Variants in MAP4K2 observed in about 807,000 individuals in gnomAD.
MAP4K2 encodes the protein B lymphocyte serine/threonine protein kinase.
In MAP4K2, 85 loss-of-function variants were observed where a neutral mutation model predicts 125.3. The observed-to-expected ratio is 0.68, with a 90% CI of 0.57 to 0.81. The LOEUF (loss-of-function observed/expected upper bound fraction) is 0.81. MAP4K2 is among the 40% of genes least tolerant of loss of function. The pLI, the probability that MAP4K2 is intolerant of heterozygous loss-of-function variation, is 0.00. For synonymous variants in MAP4K2, 479 were observed against 445.1 expected (o/e 1.08, Z -0.96); for missense variants, 923 against 1,056.4 (o/e 0.87, Z 1.75).
At chr11:64,791,710 T>TGAAC (rs1340788308) in intron 27 of MAP4K2, among the ~76,000 whole-genome samples, 199 bp downstream of exon 27, 3 of 152,200 alleles carry the variant, frequency 2.0e-5, no homozygotes, top group Non-Finnish European at 2.9e-5. Context: ...TTCCGTCTAA[T>TGAAC]GAACCCTTTT....
intron 24 of MAP4K2, among the ~76,000 whole-genome samples, chr11:64,793,096 A>G (rs1940598093): frequency 6.6e-6 from 1 of 152,114 alleles, no homozygotes; most frequent in African/African-American, 2.4e-5. Context: ...CGTGCCTGTA[A>G]TCCCAGCTAC....
At position 64,797,178 on chromosome 11, in the gene MAP4K2, G is replaced by T. The variant is rs773602212; in HGVS notation, c.1291C>A (p.Pro431Thr). Residue 431 changes from proline to threonine, a missense_variant, in exon 19 of 32, where the codon CCT becomes ACT. Physicochemically the swap from Pro to Thr is conservative, Grantham distance 38 (BLOSUM62 -1). Around this residue, in one of 2 missense-constraint regions of MAP4K2, gnomAD observed 833 missense variants for 911.4 expected, o/e 0.91. Transcript: ENST00000294066. The stretch of plus-strand genomic sequence containing the variant: ...GGGGAGCTGTTGGGGCCTGAAGGAG[G>T]TGGGGGCAGGGTTCCTGCAGGCACA... ...LSSPPGTLPP[P>T]PSGPNSSPLL... The T allele has an allele frequency of 8.1e-6, 13 of 1,613,662 alleles. No individual in the cohort carries two copies. The African/African-American group carries it at 1.3e-4, about 17-fold the overall frequency.
intron 15 of MAP4K2, among the ~76,000 whole-genome samples, chr11:64,798,355 G>T (rs564348991): frequency 1.1e-3 from 173 of 151,802 alleles, no homozygotes; most frequent in African/African-American, 4.0e-3. Context: ...TACTAGAGAC[G>T]GGCTTTCACC....
In MAP4K2 at chr11:64,800,926, G is replaced by C; in HGVS notation, c.636C>G (p.Pro212=). ...TCATGGGGTGCAGGTGGAACAGAGG[G>C]GGCTGCAGCTCGCCCAGCTCAATGG... The part of the protein sequence containing the change: ...ITAIELGELQ[P]PLFHLHPMRA... The change falls in exon 9 of 32, where the codon CCC becomes CCG. Residue 212 remains proline (P), a synonymous_variant. Coordinates refer to ENST00000294066, the MANE Select transcript of MAP4K2 (RefSeq NM_004579.5). 1.2e-6 allele frequency: 2 copies of C among 1,614,022 alleles called. No individual in the cohort carries two copies. The highest frequency in any genetic ancestry group is 1.7e-6 in the Non-Finnish European group (2 of 1,179,998).
At position 64,796,817 on chromosome 11, in the gene MAP4K2, A is replaced by ACAGGGTGAATCCAGGTGACAG; in HGVS notation, c.1463_1483dup (p.Ala488_Pro494dup). The ACAGGGTGAATCCAGGTGACAG allele has an allele frequency of 6.2e-7, 1 of 1,613,738 alleles. No homozygotes were observed. The highest frequency in any genetic ancestry group is 2.2e-5 in the East Asian group (1 of 44,874). ...TCCCTGCCCCCACCTACCCCGAGTA[A>ACAGGGTGAATCCAGGTGACAG]CAGGGTGAATCCAGGTGACAGCAGC... On this transcript the variant is annotated inframe_insertion, in exon 21 of 32. Coordinates refer to ENST00000294066, the MANE Select transcript of MAP4K2 (RefSeq NM_004579.5).
rs1940340593 is a variant in MAP4K2, at chr11:64,789,473, C to T, written c.*64G>A. ...CTCTGGTCTAGGATGGGCCCCTTTG[C>T]CCAAAAGGGCCTGCAGCTAAGGCGT... On this transcript the variant is annotated 3_prime_UTR_variant, in exon 32 of 32. Coordinates refer to ENST00000294066, the MANE Select transcript of MAP4K2 (RefSeq NM_004579.5). The T allele has an allele frequency of 1.4e-6, 2 of 1,461,114 alleles. No individual in the cohort carries two copies. The highest frequency in any genetic ancestry group is 1.4e-5 in the African/African-American group (1 of 71,298). 90.5% of individuals were successfully genotyped at this position (1,461,114 alleles called of 1,614,324 possible).
Position 64,803,182 on chromosome 11 carries a change from G to T in MAP4K2, c.-33C>A, listed in dbSNP as rs1202476156. The T allele has an allele frequency of 4.8e-6, 5 of 1,039,968 alleles. No individual in the cohort carries two copies. Among genetic ancestry groups the T allele is most frequent in the Middle Eastern group, 4.2e-4 (1 of 2,374 alleles). 64.4% of individuals were successfully genotyped at this position (1,039,968 alleles called of 1,614,324 possible). On this transcript the variant is annotated 5_prime_UTR_variant, in exon 1 of 32. Transcript: ENST00000294066. ...CGCCGGGCGGGCCGGCAGGCGGGCG[G>T]GCGCGAGCTGCGGAGCCGGCGCGGG...
Position 64,800,960 on chromosome 11 carries a change from C to A in MAP4K2, c.602G>T (p.Gly201Val). The A allele has an allele frequency of 6.2e-6, 10 of 1,613,978 alleles. No individual in the cohort carries two copies. Among genetic ancestry groups the A allele is most frequent in the Non-Finnish European group, 8.5e-6 (10 of 1,179,998 alleles). ...CTCGCCCAGCTCAATGGCAGTGATG[C>A]CCAGGGCCCAGACGTCACATAGCTC... ...YNELCDVWAL[G>V]ITAIELGELQ... The change falls in exon 9 of 32, where the codon GGC becomes GTC. Residue 201 changes from glycine (G) to valine (V), a missense_variant. This residue lies in a region of MAP4K2 where 833 missense variants were observed against 911.4 expected (regional missense o/e 0.91). Coordinates refer to ENST00000294066, the MANE Select transcript of MAP4K2 (RefSeq NM_004579.5).
At chr11:64,800,060 T>C (rs1051523196) in intron 12 of MAP4K2, 49 bp downstream of exon 12, 5 of 1,471,842 alleles carry the variant, frequency 3.4e-6, no homozygotes, top group Admixed American at 3.9e-5. Flanking sequence ...CCTCGGGCTC[T>C]TTCTAAGCAG....
In MAP4K2 at chr11:64,801,588, C is replaced by T. The variant is rs1387327224; in HGVS notation, c.448G>A (p.Val150Ile). The change falls in exon 7 of 32, where the codon GTC becomes ATC. Residue 150 changes from valine (V) to isoleucine (I), a missense_variant. Physicochemically the swap from Val to Ile is conservative, Grantham distance 29. This residue lies in a region of MAP4K2 where 833 missense variants were observed against 911.4 expected (regional missense o/e 0.91). Coordinates refer to ENST00000294066, the MANE Select transcript of MAP4K2 (RefSeq NM_004579.5). ...ANLLLTLQGD[V>I]KLADFGVSGE... ...TCCCCAGGGTACTGACCCAGTTTGA[C>T]ATCTCCCTGGAGAGTGAGGAGAAGG... 2.5e-6 allele frequency: 4 copies of T among 1,614,018 alleles called. No homozygotes were observed. Among genetic ancestry groups the T allele is most frequent in the Non-Finnish European group, 3.4e-6 (4 of 1,179,950 alleles).
rs756969619 is a variant in MAP4K2 at position 64,800,099 on chromosome 11, C to G, written c.915+10G>C. ...AGCCCAAGACTCACTTTCCAGCCCC[C>G]CTCACCTACCTCCAGCTCACAGTCC... On this transcript the variant is annotated intron_variant, in intron 12 of 31. Transcript: ENST00000294066. 10 of 1,587,480 alleles carry G rather than the reference C, an allele frequency of 6.3e-6. No individual in the cohort carries two copies. The highest frequency in any genetic ancestry group is 1.1e-5 in the South Asian group (1 of 88,256).
chr11:64,799,251 C>A (rs1485720928), intron 14 of MAP4K2, among the ~76,000 whole-genome samples, 170 bp downstream of exon 14: 1 of 152,218 alleles, frequency 6.6e-6, no homozygotes, highest in Non-Finnish European at 1.5e-5. Flanking sequence ...CAGGAAGGAG[C>A]CCCTAACCCT....
At chr11:64,793,077 G>A (rs752457498) in intron 24 of MAP4K2, among the ~76,000 whole-genome samples, 21 of 152,094 alleles carry the variant, frequency 1.4e-4, no homozygotes, top group Non-Finnish European at 3.1e-4. Flanking sequence ...TTAGCCAGGC[G>A]TGGTGGCGCG....
intron 27 of MAP4K2, among the ~76,000 whole-genome samples, chr11:64,790,710 G>A (rs908541010): frequency 1.6e-4 from 25 of 152,290 alleles, no homozygotes; most frequent in African/African-American, 6.0e-4. Context: ...AGGGCTCCAG[G>A]TTTAAGGGGA....
chr11:64,802,555 A>G lies in MAP4K2; in HGVS notation c.245+8T>C. The G allele has an allele frequency of 6.2e-7, 1 of 1,601,698 alleles. No individual in the cohort carries two copies. The highest frequency in any genetic ancestry group is 8.5e-7 in the Non-Finnish European group (1 of 1,174,146). ...CTGCCTGGGGCCAGGAGGATAAGGC[A>G]GCCTCACCTGAGGTAGCTGCCAATG... is the stretch of plus-strand genomic sequence containing the variant. On this transcript the variant is annotated splice_region_variant and intron_variant, in intron 3 of 31. Coordinates refer to ENST00000294066, the MANE Select transcript of MAP4K2 (RefSeq NM_004579.5).
intron 25 of MAP4K2, 35 bp downstream of exon 25, chr11:64,792,329 A>AC: frequency 6.6e-7 from 1 of 1,504,050 alleles, no homozygotes; most frequent in African/African-American, 1.6e-5. Flanking sequence ...GCCCCCCACC[A>AC]GGCCCCGCCC....
At position 64,802,156 on chromosome 11, in the gene MAP4K2, C is replaced by CG. The variant is rs779338553; in HGVS notation, c.311-36dup. ...AAAGGGAGAGGCTGGCTTGGGGGCC[C>CG]GGGGGTCATGCCCACCCTCCCAGGC... On this transcript the variant is annotated intron_variant, in intron 4 of 31. Transcript: ENST00000294066. The CG allele has an allele frequency of 5.7e-6, 9 of 1,592,204 alleles. No individual in the cohort carries two copies. The Admixed American group carries it at 1.2e-4, about 21-fold the overall frequency.
At chr11:64,795,406 TTTTC>T (rs1198280273) in intron 24 of MAP4K2, among the ~76,000 whole-genome samples, 2 of 151,718 alleles carry the variant, frequency 1.3e-5, no homozygotes, top group South Asian at 2.1e-4. Context: ...TTTGGGCTTT[TTTTC>T]TTTCTTTTTT....
intron 12 of MAP4K2, 23 bp from the exon 13 acceptor site, chr11:64,799,706 T>G (rs1230910554): frequency 6.2e-7 from 1 of 1,600,234 alleles, no homozygotes; most frequent in Non-Finnish European, 8.6e-7. Flanking sequence ...AGAAACAGTG[T>G]GGACACACCT....
Sources: allele counts gnomAD v4.1 joint callset (sites outside exome capture counted in the v4.1 genomes callset), GRCh38; gene constraint gnomAD v4.1.1; regional missense constraint gnomAD v4.1.1; transcripts MANE v1.5; gene names NCBI Gene and HGNC (gene_info 2026-07-23, HGNC 2026-07-21).